The following UNC79 variants were observed in gnomAD, a reference collection of about 807,000 sequenced individuals.
UNC79 encodes the protein unc-79 subunit of NALCN channel complex, also known as protein unc-79 homolog.
Under a neutral mutation model 283.1 loss-of-function variants are expected in UNC79, and 37 were observed. The observed-to-expected ratio is 0.13, with a 90% CI of 0.10 to 0.17. The LOEUF (loss-of-function observed/expected upper bound fraction) is 0.17, where lower values mean the gene tolerates loss of function less well. Ranked by LOEUF, UNC79 falls within the 10% of genes least tolerant of loss-of-function variation. The pLI, the probability that UNC79 is intolerant of heterozygous loss-of-function variation, is 1.00. For synonymous variants in UNC79, 1,107 were observed against 1,200.2 expected (o/e 0.92, Z 1.61); for missense variants, 2,272 against 3,211.1 (o/e 0.71, Z 7.07).
At chr14:93,704,627 G>C in exon 48 of UNC79, 1 of 1,614,180 alleles carries the variant, frequency 6.2e-7, no homozygotes, top group Non-Finnish European at 8.5e-7. Flanking sequence ...CTATACAGCT[G>C]ATACCTATGT....
At chr14:93,494,235 T>A (rs1431499653) in intron 5 of UNC79, among the ~76,000 whole-genome samples, 1 of 152,076 alleles carries the variant, frequency 6.6e-6, no homozygotes, top group Non-Finnish European at 1.5e-5. Context: ...GAGAACTCTA[T>A]CATGAGAACA....
At chr14:93,370,469 C>T (rs1031508682) in intron 1 of UNC79, among the ~76,000 whole-genome samples, 4 of 152,110 alleles carry the variant, frequency 2.6e-5, no homozygotes, top group African/African-American at 7.2e-5. Flanking sequence ...AAGATCTCTG[C>T]GCTTAAAAAT....
At chr14:93,580,292 C>G in exon 19 of UNC79, 1 of 1,614,208 alleles carries the variant, frequency 6.2e-7, no homozygotes, top group Non-Finnish European at 8.5e-7. Context: ...TCGAGTGCAA[C>G]TTATGTCAGT....
In UNC79 at chr14:93,538,046, G is replaced by A. The variant is rs2061172011; in HGVS notation, c.1180G>A (p.Gly394Ser). ...CACCTGCTTCTCAGCAGGGTGCTGT[G>A]GTCGTCACGGAAACAGGCCTGTTCG... The change falls in exon 12 of 49, where the codon GGT becomes AGT. Residue 394 changes from glycine (G) to serine (S), a missense_variant. Physicochemically the swap from Gly to Ser is moderately conservative, Grantham distance 56 (BLOSUM62 0). Coordinates refer to ENST00000555664, the Ensembl canonical transcript of UNC79. 1 of 1,614,158 alleles carries A rather than the reference G, an allele frequency of 6.2e-7. No individual in the cohort carries two copies. The highest frequency in any genetic ancestry group is 2.2e-5 in the East Asian group (1 of 44,888).
At chr14:93,483,346 ACTAGC>A (rs1446217157) in intron 4 of UNC79, among the ~76,000 whole-genome samples, 2 of 152,136 alleles carry the variant, frequency 1.3e-5, no homozygotes, top group Non-Finnish European at 2.9e-5. Context: ...TAGAGTAGCC[ACTAGC>A]CCCATGTGGC....
At chr14:93,515,160 A>G (rs888280552) in intron 7 of UNC79, among the ~76,000 whole-genome samples, 4 of 151,976 alleles carry the variant, frequency 2.6e-5, no homozygotes, top group Non-Finnish European at 5.9e-5. Flanking sequence ...TGATTATTAT[A>G]TATCTTTTCT....
At chr14:93,473,306 T>C (rs1411062155) in intron 2 of UNC79, among the ~76,000 whole-genome samples, 1 of 152,110 alleles carries the variant, frequency 6.6e-6, no homozygotes, top group East Asian at 1.9e-4. Context: ...TAAAATAAAA[T>C]GTTTCCTCCC....
chr14:93,335,957 C>T (rs2139862572), intron 1 of UNC79, among the ~76,000 whole-genome samples: 1 of 152,336 alleles, frequency 6.6e-6, no homozygotes, highest in South Asian at 2.1e-4. Flanking sequence ...CCTTTCTCCA[C>T]TCCCTCCATC....
At chr14:93,663,785 A>T (rs2071855905) in intron 40 of UNC79, among the ~76,000 whole-genome samples, 1 of 152,156 alleles carries the variant, frequency 6.6e-6, no homozygotes, top group South Asian at 2.1e-4. Flanking sequence ...AAAAATGTAG[A>T]TCTATAAGAC....
At chr14:93,490,672 C>T (rs934279948) in intron 5 of UNC79, among the ~76,000 whole-genome samples, 13 of 152,106 alleles carry the variant, frequency 8.5e-5, no homozygotes, top group Non-Finnish European at 1.9e-4. Context: ...TTTTGCTGTC[C>T]GTATTTATAC....
At chr14:93,548,213 G>A (rs763209149) in intron 14 of UNC79, among the ~76,000 whole-genome samples, 5 of 152,238 alleles carry the variant, frequency 3.3e-5, no homozygotes, top group East Asian at 1.9e-4. Flanking sequence ...GAGGGCCTAC[G>A]TTCTGGTTCA....
At position 93,617,312 on chromosome 14, in the gene UNC79, G is replaced by T. The variant is rs2066800878; in HGVS notation, c.4224+8G>T. On this transcript the variant is annotated splice_region_variant and intron_variant, in intron 28 of 48. Coordinates refer to ENST00000555664, the Ensembl canonical transcript of UNC79. This position sits in a 1 kb window ranked among gnomAD's most constrained non-coding sequence, Gnocchi z 4.5. ...CTTGTCATCCTTTACAAGGTGAGCT[G>T]GGTGGTCACTGCTGTTTTGGATGCA... 1.2e-6 allele frequency: 2 copies of T among 1,613,480 alleles called. No homozygotes were observed. Among genetic ancestry groups the T allele is most frequent in the Non-Finnish European group, 8.5e-7 (1 of 1,179,712 alleles).
At chr14:93,636,810 TC>T (rs1480628208) in intron 31 of UNC79, among the ~76,000 whole-genome samples, 1 of 152,214 alleles carries the variant, frequency 6.6e-6, no homozygotes, top group Non-Finnish European at 1.5e-5. Flanking sequence ...TCCACATGTT[TC>T]CAGTGTGACC....
chr14:93,563,034 G>A (rs369438230), intron 14 of UNC79, among the ~76,000 whole-genome samples: 4 of 152,128 alleles, frequency 2.6e-5, no homozygotes, highest in East Asian at 1.9e-4. Context: ...TCTAAGAGAC[G>A]GGCTAGCGGC....
intron 1 of UNC79, among the ~76,000 whole-genome samples, chr14:93,387,718 G>A (rs934262836): frequency 2.6e-4 from 40 of 152,244 alleles, no homozygotes; most frequent in Middle Eastern, 3.4e-3. Flanking sequence ...TTCTGCAGTC[G>A]TTGCATGAAA....
At chr14:93,571,277 A>G (rs1282145768) in intron 14 of UNC79, among the ~76,000 whole-genome samples, 1 of 152,370 alleles carries the variant, frequency 6.6e-6, no homozygotes, top group African/African-American at 2.4e-5. Context: ...CTAAGTTTGT[A>G]AATTCGTGAT....
chr14:93,441,151 T>G (rs965164863), intron 1 of UNC79, among the ~76,000 whole-genome samples: 7 of 152,146 alleles, frequency 4.6e-5, no homozygotes, highest in Non-Finnish European at 7.4e-5. Context: ...ATATCTTCAT[T>G]GTGAATTGTA....
intron 18 of UNC79, 74 bp downstream of exon 18, chr14:93,578,137 T>C (rs982866923): frequency 2.2e-5 from 31 of 1,384,464 alleles, no homozygotes; most frequent in Non-Finnish European, 3.0e-5. Flanking sequence ...ATTCTTTCCA[T>C]GTGTTGGGCA....
intron 24 of UNC79, among the ~76,000 whole-genome samples, chr14:93,598,916 A>G (rs1243304000): frequency 6.6e-6 from 1 of 152,252 alleles, no homozygotes; most frequent in African/African-American, 2.4e-5. Flanking sequence ...GACAAGAAAT[A>G]TGAGACCTGG....
Sources: gnomAD v4.1 joint callset for allele counts (sites outside exome capture counted in the v4.1 genomes callset) on GRCh38, gnomAD v4.1.1 for gene constraint, Gnocchi (gnomAD v3.1) non-coding constraint, MANE v1.5 for transcripts, NCBI Gene and HGNC (gene_info 2026-07-23, HGNC 2026-07-21) for gene names.